The following MAGI1 variants were observed in gnomAD, a reference collection of about 807,000 sequenced individuals.
MAGI1 encodes the protein membrane-associated guanylate kinase, WW and PDZ domain-containing protein 1.
MAGI1 carries 58 observed loss-of-function variants against 139.9 expected under a neutral mutation model. The observed-to-expected ratio is 0.41, with a 90% CI of 0.34 to 0.52. The LOEUF is 0.52. Ranked by LOEUF, MAGI1 falls within the 20% of genes least tolerant of loss-of-function variation. The pLI, the probability that MAGI1 is intolerant of heterozygous loss-of-function variation, is 0.12. For missense variants in MAGI1, 1,874 were observed against 1,901.6 expected, an observed-to-expected ratio of 0.99 and a Z score of 0.27; for synonymous variants, 812 against 737.9, an observed-to-expected ratio of 1.10 and a Z score of -1.63.
chr3:65,522,049 C>G (rs1487487228), intron 2 of MAGI1, among the ~76,000 whole-genome samples: 1 of 152,018 alleles, frequency 6.6e-6, no homozygotes, highest in Non-Finnish European at 1.5e-5. Context: ...AAAATCCAAA[C>G]GGAATTTCAT....
intron 12 of MAGI1, among the ~76,000 whole-genome samples, chr3:65,423,134 C>T (rs1234209916): frequency 6.6e-6 from 1 of 152,162 alleles, no homozygotes; most frequent in Non-Finnish European, 1.5e-5. Context: ...AGGACCCCAA[C>T]ATTATTAAGA....
At chr3:65,982,592 G>A (rs897313643) in intron 1 of MAGI1, among the ~76,000 whole-genome samples, 3 of 152,248 alleles carry the variant, frequency 2.0e-5, no homozygotes, top group South Asian at 2.1e-4. Context: ...AATATGCCAC[G>A]TGGAGTGACT....
At chr3:65,794,127 C>G (rs997180589) in intron 1 of MAGI1, among the ~76,000 whole-genome samples, 23 of 152,102 alleles carry the variant, frequency 1.5e-4, no homozygotes, top group African/African-American at 5.3e-4. Context: ...AAGGATGAGA[C>G]GCAAGCCATT....
At chr3:65,780,102 A>G (rs932771668) in intron 1 of MAGI1, among the ~76,000 whole-genome samples, 2 of 152,102 alleles carry the variant, frequency 1.3e-5, no homozygotes, top group East Asian at 3.9e-4. Flanking sequence ...GGCTCACTGC[A>G]GCCTGGACAT....
intron 1 of MAGI1, among the ~76,000 whole-genome samples, chr3:65,918,486 T>C (rs1166845441): frequency 2.0e-5 from 3 of 149,786 alleles, no homozygotes; most frequent in African/African-American, 7.4e-5. Context: ...GTTCAAGCAA[T>C]TCTCCTGCCT....
intron 9 of MAGI1, 113 bp downstream of exon 9, chr3:65,439,766 G>C (rs1360870768): frequency 1.3e-6 from 2 of 1,565,250 alleles, no homozygotes; most frequent in Admixed American, 3.4e-5. Context: ...TCTTCAGTGT[G>C]GCAAGAGAGG....
At chr3:65,919,498 G>A (rs2062066629) in intron 1 of MAGI1, among the ~76,000 whole-genome samples, 1 of 151,916 alleles carries the variant, frequency 6.6e-6, no homozygotes, top group South Asian at 2.1e-4. Context: ...GGAGTTTGAG[G>A]CTGTAGTGAG....
chr3:66,019,927 AC>A (rs34783046), intron 1 of MAGI1, among the ~76,000 whole-genome samples: 55,794 of 151,968 alleles, frequency 0.37, 11,163 homozygotes, highest in East Asian at 0.51. Context: ...TCCTTAGGGA[AC>A]CATGTTTTGC....
At chr3:65,511,310 A>C (rs1409692803) in intron 2 of MAGI1, among the ~76,000 whole-genome samples, 8 of 149,296 alleles carry the variant, frequency 5.4e-5, no homozygotes, top group African/African-American at 1.5e-4. Context: ...AACAATATTA[A>C]CTTTAAATGT....
At position 65,889,443 on chromosome 3, in the gene MAGI1, T is replaced by C. The variant is rs1449919982; in HGVS notation, c.313+148553A>G. Reference sequence around the variant, plus strand: ...CATTTTCAGTACAGAGTCATGATTCTCTGTTCTCTCCTCTATTCAGCTACA... The same window carrying C: ...CATTTTCAGTACAGAGTCATGATTCCCTGTTCTCTCCTCTATTCAGCTACA... On this transcript the variant is annotated intron_variant, in intron 1 of 22. Coordinates refer to ENST00000402939, the MANE Select transcript of MAGI1 (RefSeq NM_001033057.2). Among the ~76,000 whole-genome samples the C allele has an allele frequency of 3.3e-5, 5 of 152,220 alleles. No homozygotes were observed. In the East Asian group the frequency reaches 5.8e-4, roughly 18 times the overall value.
intron 1 of MAGI1, among the ~76,000 whole-genome samples, chr3:66,028,676 C>T (rs763099076): frequency 2.0e-5 from 3 of 152,088 alleles, no homozygotes; most frequent in East Asian, 1.9e-4. Context: ...CCACAACCTG[C>T]GACCTGCGAA....
intron 12 of MAGI1, among the ~76,000 whole-genome samples, chr3:65,418,199 CCTATTATCCAAATATGTATGGCACA>C (rs1946369192): frequency 6.6e-6 from 1 of 152,180 alleles, no homozygotes; most frequent in Non-Finnish European, 1.5e-5. Flanking sequence ...CCACCATTCA[CCTATTATCCAAATATGTATGGCACA>C]GACTCAGACT....
intron 1 of MAGI1, among the ~76,000 whole-genome samples, chr3:65,638,502 C>T (rs1412275865): frequency 6.7e-6 from 1 of 150,130 alleles, no homozygotes; most frequent in African/African-American, 2.4e-5. Context: ...ACTGTATGGC[C>T]GAAGGTGTGC....
At chr3:65,365,467 C>T (rs1941323904) in intron 18 of MAGI1, among the ~76,000 whole-genome samples, 2 of 152,192 alleles carry the variant, frequency 1.3e-5, no homozygotes, top group East Asian at 1.9e-4. Context: ...TTCTTTCCCA[C>T]TGCTTTTAAT....
chr3:65,868,571 T>A (rs1007283975), intron 1 of MAGI1, among the ~76,000 whole-genome samples: 1 of 152,162 alleles, frequency 6.6e-6, no homozygotes, highest in Non-Finnish European at 1.5e-5. Flanking sequence ...TCAGCATATA[T>A]CTTTGGGAGA....
chr3:65,553,610 C>A (rs1255210957), intron 2 of MAGI1, among the ~76,000 whole-genome samples: 2 of 152,068 alleles, frequency 1.3e-5, no homozygotes, highest in Non-Finnish European at 2.9e-5. Flanking sequence ...AATTATCAGC[C>A]CTAATAACAG....
chr3:65,689,367 C>T (rs1371190773), intron 1 of MAGI1, among the ~76,000 whole-genome samples: 6 of 152,172 alleles, frequency 3.9e-5, no homozygotes, highest in African/African-American at 1.4e-4. Context: ...CCAAAGTGTC[C>T]CACCAGCAGC....
intron 7 of MAGI1, among the ~76,000 whole-genome samples, chr3:65,443,485 G>A (rs1032395301): frequency 2.6e-5 from 4 of 152,164 alleles, no homozygotes; most frequent in African/African-American, 9.7e-5. Context: ...TTCTTTAAAT[G>A]TGGTGGTACA....
At chr3:66,030,151 G>A (rs1486246356) in intron 1 of MAGI1, among the ~76,000 whole-genome samples, 2 of 152,152 alleles carry the variant, frequency 1.3e-5, no homozygotes, top group East Asian at 3.9e-4. Context: ...ACCAACTGAA[G>A]CAGGCCAGCA....
Sources: allele counts gnomAD v4.1 joint callset (sites outside exome capture counted in the v4.1 genomes callset), GRCh38; gene constraint gnomAD v4.1.1; transcripts MANE v1.5; gene names NCBI Gene and HGNC (gene_info 2026-07-23, HGNC 2026-07-21).